Variants in SLC5A8 observed in about 807,000 individuals in gnomAD.
SLC5A8 encodes the protein solute carrier family 5 member 8, also known as sodium-coupled monocarboxylate transporter 1.
In SLC5A8, 55 loss-of-function variants were observed where a neutral mutation model predicts 71.9. The ratio of observed to expected loss-of-function variants is 0.77; its 90% confidence interval spans 0.62 to 0.96. SLC5A8 has a LOEUF of 0.96. SLC5A8 is among the 40% of genes least tolerant of loss of function. SLC5A8 has a pLI of 0.00. For synonymous variants in SLC5A8, 307 were observed against 276.1 expected (o/e 1.11, Z -1.11); for missense variants, 701 against 745.3 (o/e 0.94, Z 0.69).
chr12:101,176,084 C>A (rs1391963689), intron 10 of SLC5A8, among the ~76,000 whole-genome samples: 1 of 152,002 alleles, frequency 6.6e-6, no homozygotes, highest in Non-Finnish European at 1.5e-5. Context: ...AAAGACTCAA[C>A]TGTGTGCTGT....
Position 101,209,964 on chromosome 12 carries a change from G to T in SLC5A8, c.-116C>A. The T allele has an allele frequency of 1.0e-6, 1 of 953,762 alleles. No homozygotes were observed. The highest frequency in any genetic ancestry group is 1.5e-6 in the Non-Finnish European group (1 of 680,804). The allele number at this position is 953,762 out of a possible 1,614,324, so 59.1% of individuals were successfully genotyped here. A position where few individuals can be genotyped will look rare whatever the true frequency, so the allele number is the denominator to read the frequency against. On this transcript the variant is annotated 5_prime_UTR_variant, in exon 1 of 15. Coordinates refer to ENST00000536262, the MANE Select transcript of SLC5A8 (RefSeq NM_145913.5). ...GGCGCGCAGGCGTGGCGTCCCGCGG[G>T]GACTGGAGGCGTCCTCCAGGTGTCG...
At chr12:101,164,742 G>C (rs1244846442) in intron 12 of SLC5A8, among the ~76,000 whole-genome samples, 1 of 152,182 alleles carries the variant, frequency 6.6e-6, no homozygotes, top group East Asian at 1.9e-4. Flanking sequence ...CAGTCAGGCA[G>C]ACTTCCTCCT....
At chr12:101,160,943 GA>G (rs1313819267) in intron 13 of SLC5A8, among the ~76,000 whole-genome samples, 2 of 152,040 alleles carry the variant, frequency 1.3e-5, no homozygotes, top group Non-Finnish European at 2.9e-5. Context: ...AAACAAAAAA[GA>G]AAATGTCCAG....
At chr12:101,158,087 A>G (rs531999955) in intron 14 of SLC5A8, among the ~76,000 whole-genome samples, 162 bp downstream of exon 14, 2 of 152,334 alleles carry the variant, frequency 1.3e-5, no homozygotes, top group East Asian at 3.9e-4. Flanking sequence ...ATAGATCATC[A>G]TAGGATAGAG....
intron 4 of SLC5A8, among the ~76,000 whole-genome samples, chr12:101,194,095 CG>C (rs1869053095): frequency 1.3e-5 from 2 of 151,952 alleles, no homozygotes; most frequent in South Asian, 2.1e-4. Context: ...GGAGTGGTGT[CG>C]GGAGATTGTT....
intron 4 of SLC5A8, among the ~76,000 whole-genome samples, chr12:101,194,422 T>C (rs901391489): frequency 6.6e-6 from 1 of 152,202 alleles, no homozygotes; most frequent in African/African-American, 2.4e-5. Context: ...CATACTGATT[T>C]TGCATATTTT....
At chr12:101,177,649 A>T (rs2067895488) in intron 10 of SLC5A8, among the ~76,000 whole-genome samples, 1 of 152,194 alleles carries the variant, frequency 6.6e-6, no homozygotes, top group South Asian at 2.1e-4. Context: ...TGCATTAAAA[A>T]ACCAATCAAT....
intron 12 of SLC5A8, among the ~76,000 whole-genome samples, chr12:101,163,281 T>G (rs1226355247): frequency 2.0e-5 from 3 of 152,224 alleles, no homozygotes; most frequent in African/African-American, 7.2e-5. Flanking sequence ...CACTTTCAGT[T>G]TTGATAGCTG....
chr12:101,180,398 T>C (rs761296142), intron 9 of SLC5A8, among the ~76,000 whole-genome samples: 2 of 152,212 alleles, frequency 1.3e-5, no homozygotes, highest in Non-Finnish European at 1.5e-5. Context: ...GTGTTATTAA[T>C]CTAATCATCC....
rs563463934 is a variant in SLC5A8 at position 101,198,239 on chromosome 12, C to T, written c.470-3077G>A. On this transcript the variant is annotated intron_variant, in intron 3 of 14. Transcript: ENST00000536262. ...AATAAGAAATATTTAAAATCAATGA[C>T]CTAAGCGCCTACCTTAAGAAGCTAG... Among the ~76,000 whole-genome samples, 18 of 151,792 alleles carry T rather than the reference C, an allele frequency of 1.2e-4. No individual in the cohort carries two copies. In the South Asian group the frequency reaches 3.3e-3, roughly 28 times the overall value.
chr12:101,158,401 A>G (rs2051688100), intron 13 of SLC5A8, 73 bp from the exon 14 acceptor site: 1 of 944,444 alleles, frequency 1.1e-6, no homozygotes, highest in African/African-American at 1.7e-5. Flanking sequence ...ATTCCATTAT[A>G]CAGGCATTTA....
rs577392758 is a variant in SLC5A8, at chr12:101,200,616, T to C, written c.469+1548A>G. ...TATGAAATTAAGAAATTAATATTAATATTTTAGGTACAATGATGGTATGAT... is the reference window on the plus strand; with the variant it reads ...TATGAAATTAAGAAATTAATATTAACATTTTAGGTACAATGATGGTATGAT... On this transcript the variant is annotated intron_variant, in intron 3 of 14. Coordinates refer to ENST00000536262, the MANE Select transcript of SLC5A8 (RefSeq NM_145913.5). Among the ~76,000 whole-genome samples the C allele has an allele frequency of 5.3e-5, 8 of 152,250 alleles. No homozygotes were observed. In the East Asian group the frequency reaches 1.3e-3, roughly 26 times the overall value.
chr12:101,171,637 T>A (rs2051830716), intron 10 of SLC5A8, among the ~76,000 whole-genome samples: 1 of 152,122 alleles, frequency 6.6e-6, no homozygotes, highest in African/African-American at 2.4e-5. Context: ...CGGCTGTGGC[T>A]TTGGGGCAGA....
intron 1 of SLC5A8, among the ~76,000 whole-genome samples, chr12:101,209,020 G>A (rs1869794237): frequency 6.6e-6 from 1 of 152,134 alleles, no homozygotes; most frequent in Non-Finnish European, 1.5e-5. Flanking sequence ...GGGGGTGGGT[G>A]TGGAAGGGGA....
chr12:101,200,772 A>G (rs1869426106), intron 3 of SLC5A8, among the ~76,000 whole-genome samples: 1 of 152,152 alleles, frequency 6.6e-6, no homozygotes, highest in African/African-American at 2.4e-5. Context: ...GTTGATAAAT[A>G]TTAACATAGA....
intron 9 of SLC5A8, among the ~76,000 whole-genome samples, 188 bp from the exon 10 acceptor site, chr12:101,180,284 G>A (rs182550732): frequency 4.6e-5 from 7 of 152,312 alleles, no homozygotes; most frequent in Admixed American, 4.6e-4. Context: ...GTTTCAAGAG[G>A]ACGAAGCCCT....
Position 101,204,535 on chromosome 12 carries a change from G to T in SLC5A8, c.382C>A (p.Arg128Ser). 6.3e-7 allele frequency: 1 copy of T among 1,597,404 alleles called. No homozygotes were observed. ...ATGAAGAGGACTGTTCCACAGAGAC[G>T]AACACATTTGTTAAATCGAAGTTCT... Reference protein sequence around the residue: ...YLELRFNKCVRLCGTVLFIVQ... With the variant: ...YLELRFNKCVSLCGTVLFIVQ... Residue 128 changes from arginine to serine, a missense_variant, in exon 2 of 15, where the codon CGT becomes AGT. Physicochemically the swap from Arg to Ser is moderately radical, Grantham distance 110. Transcript: ENST00000536262.
intron 8 of SLC5A8, among the ~76,000 whole-genome samples, chr12:101,183,525 T>C (rs1201156191): frequency 1.3e-5 from 2 of 152,332 alleles, no homozygotes; most frequent in South Asian, 2.1e-4. Flanking sequence ...TCCGTATTCC[T>C]ATGCATAACA....
At chr12:101,209,420 C>T (rs2137176699) in intron 1 of SLC5A8, 78 bp downstream of exon 1, 1 of 1,144,322 alleles carries the variant, frequency 8.7e-7, no homozygotes, top group Non-Finnish European at 1.2e-6. Context: ...CAGTCTGCCC[C>T]CAAGAAAACG....
Sources: allele counts gnomAD v4.1 joint callset (sites outside exome capture counted in the v4.1 genomes callset), GRCh38; gene constraint gnomAD v4.1.1; transcripts MANE v1.5; gene names NCBI Gene and HGNC (gene_info 2026-07-23, HGNC 2026-07-21).